CCDC3: variants seen among roughly 807,000 people sequenced by gnomAD.
The protein encoded by CCDC3 is coiled-coil domain-containing protein 3.
In CCDC3, 24 loss-of-function variants were observed where a neutral mutation model predicts 21.4. The ratio of observed to expected loss-of-function variants is 1.12; its 90% CI spans 0.81 to 1.58. The LOEUF (loss-of-function observed/expected upper bound fraction) is 1.58. Ranked by LOEUF, CCDC3 falls within the 40% of genes most tolerant of loss-of-function variation. CCDC3 has a pLI of 0.00. For synonymous variants in CCDC3, 186 were observed against 166.0 expected, an observed-to-expected ratio of 1.12 and a Z score of -0.93; for missense variants, 425 against 360.9, an observed-to-expected ratio of 1.18 and a Z score of -1.44.
chr10:13,006,052 A>C (rs1238313495), upstream of CCDC3, among the ~76,000 whole-genome samples: 1 of 152,114 alleles, frequency 6.6e-6, no homozygotes, highest in African/African-American at 2.4e-5. Context: ...TATCTTACCA[A>C]GGCCTCTAAA....
rs74605053 is a variant in CCDC3, at chr10:12,997,426, C to T, written c.549+912G>A. On this transcript the variant is annotated intron_variant, in intron 2 of 2. Transcript: ENST00000378825. ...AACTTGGTTGTGGCAAAGCCCATTG[C>T]TTTGGAAGAGTGATGATCATCAAAA... Among the ~76,000 whole-genome samples the T allele has an allele frequency of 5.3e-3, 800 of 152,288 alleles. 8 individuals carry two copies. The highest frequency in any genetic ancestry group is 0.018 in the African/African-American group (757 of 41,558).
At chr10:12,945,941 G>T (rs2131242932) in intron 2 of CCDC3, among the ~76,000 whole-genome samples, 1 of 152,326 alleles carries the variant, frequency 6.6e-6, no homozygotes. Flanking sequence ...AAAACAAGTA[G>T]ATTCTTCTGC....
chr10:13,084,898 C>T (rs2131450216), intron 3 of CCDC3, among the ~76,000 whole-genome samples: 1 of 152,230 alleles, frequency 6.6e-6, no homozygotes, highest in South Asian at 2.1e-4. Context: ...GCTAGAGCAC[C>T]CCATTAGCAG....
chr10:12,915,970 T>C (rs758528963), intron 2 of CCDC3, among the ~76,000 whole-genome samples: 2 of 151,808 alleles, frequency 1.3e-5, no homozygotes, highest in Non-Finnish European at 2.9e-5. Context: ...CCTGGAGCCA[T>C]GGGGGCTAGT....
chr10:13,092,862 C>T (rs893268949), intron 3 of CCDC3, among the ~76,000 whole-genome samples: 5 of 152,150 alleles, frequency 3.3e-5, no homozygotes, highest in African/African-American at 1.2e-4. Context: ...ATGACTGTCT[C>T]CTGGCCTATA....
intron 2 of CCDC3, among the ~76,000 whole-genome samples, chr10:12,932,399 T>G (rs962073891): frequency 7.3e-5 from 11 of 150,996 alleles, no homozygotes; most frequent in Admixed American, 4.0e-4. Flanking sequence ...TTAAAAAGTA[T>G]AGACTATCTC....
chr10:13,046,180 A>T (rs527848185), intron 5 of CCDC3, among the ~76,000 whole-genome samples: 1 of 151,166 alleles, frequency 6.6e-6, no homozygotes, highest in South Asian at 2.1e-4. Context: ...CCAAGGCAGG[A>T]GGATTGCTTC....
At chr10:13,067,530 A>G (rs557035592) in intron 4 of CCDC3, among the ~76,000 whole-genome samples, 10 of 152,160 alleles carry the variant, frequency 6.6e-5, no homozygotes, top group African/African-American at 2.4e-4. Flanking sequence ...GCTTTGCATG[A>G]CTTTCTGTAT....
At chr10:13,058,144 T>C (rs2131430171) in intron 4 of CCDC3, 1 of 886,324 alleles carries the variant, frequency 1.1e-6, no homozygotes, top group East Asian at 2.4e-5. Flanking sequence ...CAGGGAATCA[T>C]TTGGTATTGC....
At chr10:13,056,420 AAGCAAGTTCG>A (rs548611996) in intron 4 of CCDC3, among the ~76,000 whole-genome samples, 2,097 of 152,326 alleles carry the variant, frequency 0.014, 43 homozygotes, top group African/African-American at 0.048. Context: ...GAAGGAGAGG[AAGCAAGTTCG>A]TGATGGACTA....
intron 2 of CCDC3, among the ~76,000 whole-genome samples, chr10:12,993,144 A>T (rs1006108694): frequency 6.6e-6 from 1 of 152,168 alleles, no homozygotes; most frequent in South Asian, 2.1e-4. Context: ...ATTCTTTTTC[A>T]ATGTGGTTTT....
In CCDC3 at chr10:12,916,345, T is replaced by C. The variant is rs375087621; in HGVS notation, c.550-17666A>G. ...TACTCAGGAGGCTGAGGCAGGAGAATCTCTTGAACCTGGGAGGCGGAGGTT... is the reference window on the plus strand; with the variant it reads ...TACTCAGGAGGCTGAGGCAGGAGAACCTCTTGAACCTGGGAGGCGGAGGTT... On this transcript the variant is annotated intron_variant, in intron 2 of 2. Coordinates refer to ENST00000378825, the MANE Select transcript of CCDC3 (RefSeq NM_031455.4). 1.1e-3 allele frequency among the ~76,000 whole-genome samples: 166 copies of C among 149,924 alleles called. 2 individuals carry two copies. In the South Asian group the frequency reaches 0.018, roughly 17 times the overall value.
chr10:13,012,792 A>T (rs1340468044), intron 5 of CCDC3, among the ~76,000 whole-genome samples: 2 of 151,934 alleles, frequency 1.3e-5, no homozygotes, highest in Non-Finnish European at 2.9e-5. Context: ...ACAAACAAAA[A>T]AACTGTTGAG....
At chr10:12,983,283 T>C (rs1287436856) in intron 2 of CCDC3, among the ~76,000 whole-genome samples, 1 of 150,354 alleles carries the variant, frequency 6.7e-6, no homozygotes, top group Admixed American at 6.6e-5. Flanking sequence ...AAAGAAGAAT[T>C]TGAAAACAGC....
At chr10:13,019,733 C>T (rs748179933) in intron 5 of CCDC3, among the ~76,000 whole-genome samples, 5 of 152,150 alleles carry the variant, frequency 3.3e-5, no homozygotes, top group Admixed American at 6.5e-5. Context: ...GGGTGGTGCA[C>T]GCCTGTAATC....
rs147601938 is a variant in CCDC3 at position 13,000,861 on chromosome 10, G to A, written c.374+336C>T. On this transcript the variant is annotated intron_variant, in intron 1 of 2. Transcript: ENST00000378825. ...GATTTCAAAGATTGTTTTTCTCACC[G>A]TCCCAATCTACTCCCACTGAGGCCA... Among the ~76,000 whole-genome samples the A allele has an allele frequency of 2.0e-3, 300 of 152,250 alleles. 2 individuals carry two copies. Among genetic ancestry groups the A allele is most frequent in the African/African-American group, 6.8e-3 (283 of 41,554 alleles).
At chr10:12,982,800 A>C (rs1243012578) in intron 2 of CCDC3, among the ~76,000 whole-genome samples, 4,819 of 148,578 alleles carry the variant, frequency 0.032, 414 homozygotes, top group African/African-American at 0.11. Flanking sequence ...CTCAAAAAAA[A>C]AAAAAAAAAA....
chr10:13,077,807 T>C (rs1330033270), intron 3 of CCDC3, among the ~76,000 whole-genome samples: 5 of 152,340 alleles, frequency 3.3e-5, no homozygotes, highest in Admixed American at 2.6e-4. Context: ...GCTAGCCATA[T>C]GTAGAAAGCT....
At chr10:12,940,322 TG>T (rs1392006978) in intron 2 of CCDC3, among the ~76,000 whole-genome samples, 1 of 55,848 alleles carries the variant, frequency 1.8e-5, no homozygotes, top group Non-Finnish European at 3.2e-5. Context: ...GATGTTGGCA[TG>T]GTGGCTGACA....
Sources: allele counts gnomAD v4.1 joint callset (sites outside exome capture counted in the v4.1 genomes callset), GRCh38; gene constraint gnomAD v4.1.1; transcripts MANE v1.5; gene names NCBI Gene and HGNC (gene_info 2026-07-23, HGNC 2026-07-21).